DLG2: variants seen among roughly 807,000 people sequenced by gnomAD.
DLG2 encodes disks large homolog 2.
In DLG2, 45 loss-of-function variants were observed where a neutral mutation model predicts 132.5. The ratio of observed to expected loss-of-function variants is 0.34; its 90% CI spans 0.27 to 0.44. The LOEUF is 0.44. DLG2 is among the 20% of genes least tolerant of loss of function. DLG2 has a pLI of 1.00. For missense variants in DLG2, 1,045 were observed against 1,196.9 expected, an observed-to-expected ratio of 0.87 and a Z score of 1.87; for synonymous variants, 424 against 419.6, an observed-to-expected ratio of 1.01 and a Z score of -0.13.
chr11:85,505,354 G>T (rs1217879369), intron 3 of DLG2, among the ~76,000 whole-genome samples: 1 of 152,042 alleles, frequency 6.6e-6, no homozygotes, highest in Non-Finnish European at 1.5e-5. Flanking sequence ...ATTGGCTGTG[G>T]GTTTGTCATA....
intron 6 of DLG2, among the ~76,000 whole-genome samples, chr11:84,877,534 T>TTTTTTTTC (rs2086566401): frequency 7.0e-6 from 1 of 142,668 alleles, no homozygotes; most frequent in Non-Finnish European, 1.5e-5. Context: ...TTTTTTTTTT[T>TTTTTTTTC]GCTTTCCATT....
At chr11:85,173,242 CA>C (rs1160849187) in intron 4 of DLG2, among the ~76,000 whole-genome samples, 1 of 152,148 alleles carries the variant, frequency 6.6e-6, no homozygotes, top group East Asian at 1.9e-4. Context: ...AGGTGACTAA[CA>C]AAGAGAAGCT....
intron 7 of DLG2, among the ~76,000 whole-genome samples, chr11:84,395,908 C>T (rs2098809326): frequency 6.6e-6 from 1 of 152,160 alleles, no homozygotes; most frequent in South Asian, 2.1e-4. Context: ...AACAGAAGTC[C>T]TTGTTTTGAA....
intron 8 of DLG2, among the ~76,000 whole-genome samples, chr11:84,220,436 T>C (rs1291561625): frequency 1.3e-5 from 2 of 152,174 alleles, no homozygotes; most frequent in African/African-American, 4.8e-5. Flanking sequence ...GAATCACAAA[T>C]CACACACATA....
intron 3 of DLG2, among the ~76,000 whole-genome samples, chr11:85,404,477 A>T (rs1006857475): frequency 6.6e-6 from 1 of 152,004 alleles, no homozygotes; most frequent in Non-Finnish European, 1.5e-5. Flanking sequence ...AGTAGGGATT[A>T]TAAAAATTAA....
At chr11:85,116,212 CATTA>C (rs1419439419) in intron 5 of DLG2, among the ~76,000 whole-genome samples, 3 of 151,864 alleles carry the variant, frequency 2.0e-5, no homozygotes, top group South Asian at 2.1e-4. Context: ...AATTATAAAG[CATTA>C]ATTATTTGAA....
At chr11:84,147,617 A>T (rs766853206) in intron 9 of DLG2, among the ~76,000 whole-genome samples, 2 of 152,192 alleles carry the variant, frequency 1.3e-5, no homozygotes, top group African/African-American at 2.4e-5. Context: ...TCTAGAAAAA[A>T]TTATGGTTGT....
chr11:84,432,966 G>A (rs926563162), intron 7 of DLG2, among the ~76,000 whole-genome samples: 1 of 152,164 alleles, frequency 6.6e-6, no homozygotes, highest in African/African-American at 2.4e-5. Context: ...AGAGGTTTCA[G>A]TGAGCTGAGA....
intron 3 of DLG2, among the ~76,000 whole-genome samples, chr11:85,486,181 C>T (rs2093424611): frequency 6.6e-6 from 1 of 151,840 alleles, no homozygotes; most frequent in African/African-American, 2.4e-5. Flanking sequence ...CAGCAGCTGC[C>T]AGTCCAAAAA....
At chr11:83,815,061 G>C (rs940572707) in intron 17 of DLG2, 1 of 153,912 alleles carries the variant, frequency 6.5e-6, no homozygotes, top group Non-Finnish European at 1.5e-5. Context: ...TTTGCAGCAG[G>C]ACTATATTGA....
At chr11:84,710,182 C>CA (rs891209676) in intron 6 of DLG2, among the ~76,000 whole-genome samples, 24 of 151,772 alleles carry the variant, frequency 1.6e-4, no homozygotes, top group Non-Finnish European at 2.9e-4. Flanking sequence ...GGTGATCACC[C>CA]AAAAAGGGTT....
At chr11:83,798,890 G>A (rs530099228) in intron 17 of DLG2, among the ~76,000 whole-genome samples, 1 of 152,266 alleles carries the variant, frequency 6.6e-6, no homozygotes, top group African/African-American at 2.4e-5. Context: ...TGTAAGTTCT[G>A]TTGCCAACTC....
intron 18 of DLG2, among the ~76,000 whole-genome samples, chr11:83,772,109 A>T (rs553862455): frequency 6.6e-6 from 1 of 152,256 alleles, no homozygotes; most frequent in African/African-American, 2.4e-5. Context: ...TGATAGTCAC[A>T]TTGAAAGAAA....
chr11:85,030,364 T>G (rs1296191918), intron 6 of DLG2, among the ~76,000 whole-genome samples: 1 of 152,238 alleles, frequency 6.6e-6, no homozygotes, highest in Non-Finnish European at 1.5e-5. Flanking sequence ...AGTATTACTT[T>G]GCTCTTCTTG....
At chr11:84,107,275 G>A (rs574784414) in intron 9 of DLG2, among the ~76,000 whole-genome samples, 2 of 151,976 alleles carry the variant, frequency 1.3e-5, no homozygotes, top group Non-Finnish European at 2.9e-5. Flanking sequence ...ATTTCATGTA[G>A]TATAGCCACA....
chr11:84,105,527 T>A (rs1200942781), intron 9 of DLG2, among the ~76,000 whole-genome samples: 1 of 152,158 alleles, frequency 6.6e-6, no homozygotes. Context: ...TGTCAAACAA[T>A]GTATTCTTTA....
At chr11:84,972,950 GTTTT>G (rs199563898) in intron 6 of DLG2, among the ~76,000 whole-genome samples, 7 of 140,800 alleles carry the variant, frequency 5.0e-5, no homozygotes, top group African/African-American at 1.0e-4. Context: ...AGTTTTTTGG[GTTTT>G]TTTTTTTTTC....
At chr11:85,216,247 A>G (rs1326784532) in intron 4 of DLG2, among the ~76,000 whole-genome samples, 1 of 152,210 alleles carries the variant, frequency 6.6e-6, no homozygotes, top group Non-Finnish European at 1.5e-5. Flanking sequence ...CTAACACAGG[A>G]TCATACAAAT....
chr11:84,030,069 A>G (rs2095650675), intron 11 of DLG2, among the ~76,000 whole-genome samples: 1 of 152,078 alleles, frequency 6.6e-6, no homozygotes, highest in Non-Finnish European at 1.5e-5. Flanking sequence ...GTTTCCTTAC[A>G]TATTAATTTA....
Sources: allele counts gnomAD v4.1 joint callset (sites outside exome capture counted in the v4.1 genomes callset), GRCh38; gene constraint gnomAD v4.1.1; transcripts MANE v1.5; gene names NCBI Gene and HGNC (gene_info 2026-07-23, HGNC 2026-07-21).